The following WLS variants were observed in gnomAD, a reference collection of about 807,000 sequenced individuals.
WLS encodes the protein protein wntless homolog.
WLS carries 23 observed loss-of-function variants against 62.8 expected under a neutral mutation model. The ratio of observed to expected loss-of-function variants is 0.37; its 90% CI spans 0.26 to 0.52. The LOEUF is 0.52. Ranked by LOEUF, WLS falls within the 20% of genes least tolerant of loss-of-function variation. WLS has a pLI of 0.92. For missense variants in WLS, 615 were observed against 697.3 expected (o/e 0.88, Z 1.33); for synonymous variants, 246 against 244.1 (o/e 1.01, Z -0.07).
chr1:68,136,002 A>G (rs1469973895), intron 11 of WLS, among the ~76,000 whole-genome samples: 2 of 152,216 alleles, frequency 1.3e-5, no homozygotes, highest in East Asian at 3.9e-4. Context: ...TTCTCACCTC[A>G]GACCAGAGAT....
intron 11 of WLS, among the ~76,000 whole-genome samples, chr1:68,106,716 CTGTG>C (rs59601112): frequency 0.064 from 9,451 of 146,666 alleles, 444 homozygotes; most frequent in African/African-American, 0.13. Flanking sequence ...GTGTTTGTCA[CTGTG>C]TGTGTGTGTG....
rs564985913 is a variant in WLS at position 68,126,334 on chromosome 1, G to T, written c.1518C>A (p.Gly506=). The change falls in exon 12 of 12, where the codon GGC becomes GGA. Residue 506 remains glycine (G), a splice_region_variant and synonymous_variant. Coordinates refer to ENST00000262348, the MANE Select transcript of WLS (RefSeq NM_024911.7). The part of the protein sequence containing the change: ...HKNYGEDQSN[G]DLGVHSGEEL... ...CTTCCCCACTATGGACACCCAGATC[G>T]CCTGAAACAGGGTTTTCGGTGTTAG... 11 of 1,613,970 alleles carry T rather than the reference G, an allele frequency of 6.8e-6. No individual in the cohort carries two copies. The highest frequency in any genetic ancestry group is 8.5e-6 in the Non-Finnish European group (10 of 1,179,996).
intron 4 of WLS, among the ~76,000 whole-genome samples, chr1:68,154,571 C>T (rs1213895561): frequency 6.6e-6 from 1 of 152,158 alleles, no homozygotes; most frequent in African/African-American, 2.4e-5. Context: ...GGAGATATAT[C>T]AAAACCTGAA....
At chr1:68,175,808 C>A (rs962185004) in intron 2 of WLS, among the ~76,000 whole-genome samples, 8 of 152,174 alleles carry the variant, frequency 5.3e-5, no homozygotes, top group African/African-American at 7.2e-5. Flanking sequence ...ACACCGCATA[C>A]CAGCATGACT....
At chr1:68,225,311 A>C (rs1211056506) in intron 1 of WLS, among the ~76,000 whole-genome samples, 3 of 152,060 alleles carry the variant, frequency 2.0e-5, no homozygotes, top group Admixed American at 1.3e-4. Context: ...AACTTAGAAA[A>C]CACTAAAGTT....
At chr1:68,197,802 AG>A (rs749796520) in intron 1 of WLS, among the ~76,000 whole-genome samples, 2 of 152,218 alleles carry the variant, frequency 1.3e-5, no homozygotes, top group Admixed American at 6.5e-5. Flanking sequence ...AATCAAAAAA[AG>A]TTTGATCTGT....
At chr1:68,190,725 A>C (rs1057231739) in intron 2 of WLS, among the ~76,000 whole-genome samples, 3 of 152,182 alleles carry the variant, frequency 2.0e-5, no homozygotes, top group Non-Finnish European at 4.4e-5. Flanking sequence ...AGAGACTCCC[A>C]AACTAGATTC....
chr1:68,122,782 G>A (rs1394133015), downstream of WLS, among the ~76,000 whole-genome samples: 1 of 152,100 alleles, frequency 6.6e-6, no homozygotes, highest in African/African-American at 2.4e-5. Context: ...CATCCAACCT[G>A]CATTCTTGAA....
rs1646992238 is a variant in WLS, at chr1:68,162,484, C to T, written c.380-3237G>A. The T allele has an allele frequency of 1.9e-6, 3 of 1,613,940 alleles. No individual in the cohort carries two copies. The East Asian group carries it at 6.7e-5, about 36-fold the overall frequency. On this transcript the variant is annotated intron_variant, in intron 2 of 11. Transcript: ENST00000262348. Reference sequence around the variant, plus strand: ...GGGGTCATAAAATATGACGCTGAATCCAAAGGCCTTGGCTCGAACTGCAAC... The same window carrying T: ...GGGGTCATAAAATATGACGCTGAATTCAAAGGCCTTGGCTCGAACTGCAAC...
In WLS at chr1:68,149,067, T is replaced by A. The variant is rs376354979; in HGVS notation, c.973-407A>T. On this transcript the variant is annotated intron_variant, in intron 6 of 11. Coordinates refer to ENST00000262348, the MANE Select transcript of WLS (RefSeq NM_024911.7). ...AGACAAAGTAAAGACATTAAAGCAT[T>A]TAAATATGTAAAGTGTGTCTATTAT... Among the ~76,000 whole-genome samples the A allele has an allele frequency of 3.9e-5, 6 of 152,242 alleles. No homozygotes were observed. The South Asian group carries it at 6.2e-4, about 16-fold the overall frequency.
intron 7 of WLS, 112 bp from the exon 8 acceptor site, chr1:68,148,311 G>A: frequency 8.5e-7 from 1 of 1,174,028 alleles, no homozygotes; most frequent in Middle Eastern, 2.0e-4. Flanking sequence ...GCTGTATTTA[G>A]GCTAAAAAAC....
chr1:68,133,948 C>T (rs942674447), intron 11 of WLS, among the ~76,000 whole-genome samples: 1 of 152,220 alleles, frequency 6.6e-6, no homozygotes, highest in Admixed American at 6.5e-5. Flanking sequence ...CTGGGATTCA[C>T]TCTCTGTAGC....
chr1:68,131,062 T>TTGTGTGAG (rs1646513044), intron 11 of WLS, among the ~76,000 whole-genome samples: 1 of 146,068 alleles, frequency 6.8e-6, no homozygotes, highest in Non-Finnish European at 1.5e-5. Context: ...CCAGCTAATT[T>TTGTGTGAG]TGTGTGTGTG....
chr1:68,176,945 C>T (rs1647283668), intron 2 of WLS, among the ~76,000 whole-genome samples: 1 of 152,218 alleles, frequency 6.6e-6, no homozygotes, highest in Non-Finnish European at 1.5e-5. Context: ...GAGTTACCTT[C>T]ATCCAAAAGA....
chr1:68,218,191 G>A (rs1649809953), intron 1 of WLS, among the ~76,000 whole-genome samples: 1 of 152,062 alleles, frequency 6.6e-6, no homozygotes, highest in South Asian at 2.1e-4. Context: ...TCACATAAGG[G>A]GAAAGAATAA....
At chr1:68,200,282 C>T (rs1648929626) in intron 1 of WLS, among the ~76,000 whole-genome samples, 1 of 152,110 alleles carries the variant, frequency 6.6e-6, no homozygotes, top group African/African-American at 2.4e-5. Flanking sequence ...GATTTAACAC[C>T]TGAAAACTAA....
At chr1:68,184,574 C>CT (rs1647797534) in intron 2 of WLS, among the ~76,000 whole-genome samples, 1 of 152,304 alleles carries the variant, frequency 6.6e-6, no homozygotes, top group African/African-American at 2.4e-5. Context: ...TTAAGGCTGA[C>CT]TTTTTTCTGA....
chr1:68,203,626 A>T (rs1469795408), intron 1 of WLS, among the ~76,000 whole-genome samples: 1 of 152,200 alleles, frequency 6.6e-6, no homozygotes, highest in Non-Finnish European at 1.5e-5. Context: ...GGTCTTGGTT[A>T]TGACTTCATA....
At chr1:68,173,408 G>GCC (rs201863177) in intron 2 of WLS, among the ~76,000 whole-genome samples, 75 of 135,452 alleles carry the variant, frequency 5.5e-4, no homozygotes, top group African/African-American at 1.8e-3. Flanking sequence ...CTACCTGCGT[G>GCC]CCCCTCTCTC....
Sources: gnomAD v4.1 joint callset for allele counts (sites outside exome capture counted in the v4.1 genomes callset) on GRCh38, gnomAD v4.1.1 for gene constraint, MANE v1.5 for transcripts, NCBI Gene and HGNC (gene_info 2026-07-23, HGNC 2026-07-21) for gene names.